The following DYSF variants were observed in gnomAD, a reference collection of about 807,000 sequenced individuals.
DYSF encodes dystrophy-associated fer-1-like 1.
DYSF carries 212 observed loss-of-function variants against 274.9 expected under a neutral mutation model. That is an observed-to-expected ratio of 0.77 (90% confidence interval 0.69 to 0.86). The LOEUF is 0.86. Among genes scored for constraint, DYSF ranks in the 40% least tolerant of loss-of-function variants. The pLI, the probability that DYSF is intolerant of heterozygous loss-of-function variation, is 0.00. For synonymous variants in DYSF, 1,091 were observed against 1,078.7 expected (o/e 1.01, Z -0.22); for missense variants, 2,666 against 2,783.2 (o/e 0.96, Z 0.95).
chr2:71,569,057 G>C (rs900180465), intron 26 of DYSF, among the ~76,000 whole-genome samples: 8 of 151,816 alleles, frequency 5.3e-5, no homozygotes. Context: ...TTGTATTTTA[G>C]TAGAGACGAG....
intron 39 of DYSF, 34 bp from the exon 40 acceptor site, chr2:71,613,300 C>A: frequency 1.3e-6 from 2 of 1,592,848 alleles, no homozygotes; most frequent in East Asian, 2.3e-5. Flanking sequence ...TTGAGAGAGC[C>A]CCTCTCAGGC....
At chr2:71,528,274 T>C in intron 13 of DYSF, 24 bp from the exon 14 acceptor site, 1 of 1,600,646 alleles carries the variant, frequency 6.2e-7, no homozygotes, top group South Asian at 1.1e-5. Flanking sequence ...AGGCAGGCAG[T>C]GACTGGTGTG....
At chr2:71,625,037 C>T (rs1388545732) in intron 41 of DYSF, among the ~76,000 whole-genome samples, 1 of 151,836 alleles carries the variant, frequency 6.6e-6, no homozygotes, top group Admixed American at 6.6e-5. Flanking sequence ...TGTTATTTTC[C>T]TTTTTTATTA....
chr2:71,560,317 C>A (rs1573989235), intron 22 of DYSF, among the ~76,000 whole-genome samples: 1 of 150,786 alleles, frequency 6.6e-6, no homozygotes, highest in Middle Eastern at 3.5e-3. Flanking sequence ...CCGACCCGGG[C>A]TGGGCGCATA....
chr2:71,478,202 A>G (rs931440206), intron 1 of DYSF, among the ~76,000 whole-genome samples: 5 of 151,218 alleles, frequency 3.3e-5, no homozygotes, highest in African/African-American at 1.2e-4. Context: ...GCTCTTTGGC[A>G]TCCTCAATAA....
At chr2:71,667,254 G>C in intron 47 of DYSF, 122 bp from the exon 48 acceptor site, 1 of 1,416,682 alleles carries the variant, frequency 7.1e-7, no homozygotes, top group Non-Finnish European at 9.9e-7. Flanking sequence ...CTGGGGGTGA[G>C]GCTGCGGGGG....
intron 12 of DYSF, among the ~76,000 whole-genome samples, chr2:71,521,321 G>C (rs2087248222): frequency 6.6e-6 from 1 of 152,248 alleles, no homozygotes; most frequent in Non-Finnish European, 1.5e-5. Flanking sequence ...AAAATGTTGA[G>C]AGCAGGAGAG....
At position 71,555,954 on chromosome 2, in the gene DYSF, C is replaced by G. The variant is rs780520305; in HGVS notation, c.2110-11C>G. 1.9e-5 allele frequency: 30 copies of G among 1,554,326 alleles called. 1 individual carries two copies. The South Asian group carries it at 3.2e-4, about 17-fold the overall frequency. ...GGTGACACACCTGACCCTTGCCTGC[C>G]CATTCCACAGGAAGCTGGCCTGGAG... On this transcript the variant is annotated splice_polypyrimidine_tract_variant and intron_variant, in intron 21 of 55. Coordinates refer to ENST00000410020, the MANE Select transcript of DYSF (RefSeq NM_001130987.2).
chr2:71,669,263 C>G, intron 50 of DYSF, 56 bp downstream of exon 50: 1 of 1,428,936 alleles, frequency 7.0e-7, no homozygotes, highest in Non-Finnish European at 9.7e-7. Context: ...CGTGCTCCCT[C>G]TGGGTTGTGC....
chr2:71,504,103 C>A (rs1173506711), intron 4 of DYSF, among the ~76,000 whole-genome samples: 1 of 152,122 alleles, frequency 6.6e-6, no homozygotes, highest in African/African-American at 2.4e-5. Context: ...CTGGGTGAGT[C>A]AGGAAGTAGC....
Position 71,639,537 on chromosome 2 carries a change from A to G in DYSF, c.4528-4428A>G, listed in dbSNP as rs547707158. ...TTATAAATCTCATCAGTTGTGAGTA[A>G]CTTTTCATGTCAGTAAATATATTTT... On this transcript the variant is annotated intron_variant, in intron 41 of 55. Transcript: ENST00000410020. Among the ~76,000 whole-genome samples, 22 of 152,284 alleles carry G rather than the reference A, an allele frequency of 1.4e-4. No individual in the cohort carries two copies. The South Asian group carries it at 4.4e-3, about 30-fold the overall frequency.
chr2:71,535,300 T>C lies in DYSF; in HGVS notation c.1482T>C (p.Arg494=). 1 of 1,614,178 alleles carries C rather than the reference T, an allele frequency of 6.2e-7. No individual in the cohort carries two copies. Among genetic ancestry groups the C allele is most frequent in the South Asian group, 1.1e-5 (1 of 91,088 alleles). ...CCATGTGCGAAAAAATGAGGATTCG[T>C]ATCATAGACTGGTGAGTTCTGAGTC... ...FPSMCEKMRI[R]IIDWDRLTHN... is the part of the protein sequence containing the mutation. Residue 494 remains arginine (R), a synonymous_variant, in exon 16 of 56, where the codon CGT becomes CGC. Coordinates refer to ENST00000410020, the MANE Select transcript of DYSF (RefSeq NM_001130987.2).
intron 16 of DYSF, among the ~76,000 whole-genome samples, chr2:71,535,701 C>T (rs1468894800): frequency 1.3e-5 from 2 of 152,116 alleles, no homozygotes; most frequent in East Asian, 3.9e-4. Context: ...GGAGGATGGG[C>T]TGCGGTGCTG....
intron 17 of DYSF, among the ~76,000 whole-genome samples, chr2:71,546,908 G>A (rs1450499971): frequency 2.6e-5 from 4 of 152,210 alleles, no homozygotes; most frequent in Non-Finnish European, 5.9e-5. Context: ...TGCATGTTCC[G>A]GGGACTGTGT....
At chr2:71,591,044 G>A (rs1230915422) in intron 32 of DYSF, among the ~76,000 whole-genome samples, 1 of 152,190 alleles carries the variant, frequency 6.6e-6, no homozygotes, top group Non-Finnish European at 1.5e-5. Flanking sequence ...ACTCAGCACA[G>A]CAGACAAGTC....
chr2:71,456,888 A>T (rs995247621), intron 1 of DYSF, among the ~76,000 whole-genome samples: 2 of 151,996 alleles, frequency 1.3e-5, no homozygotes, highest in South Asian at 2.1e-4. Context: ...GCACCAGGGC[A>T]CTCGGACCTG....
chr2:71,493,690 C>A lies in DYSF; in HGVS notation c.240-9524C>A, dbSNP rs544351636. 4.3e-4 allele frequency among the ~76,000 whole-genome samples: 65 copies of A among 151,636 alleles called. 2 individuals are homozygous for A. Among genetic ancestry groups the A allele is most frequent in the Admixed American group, 3.3e-3 (51 of 15,224 alleles). On this transcript the variant is annotated intron_variant, in intron 3 of 55. Transcript: ENST00000410020. ...AACATGGTGAAACCCCGTCACTACTCAAAATACAAAAATTAGCCAGGCATG... is the reference window on the plus strand; with the variant it reads ...AACATGGTGAAACCCCGTCACTACTAAAAATACAAAAATTAGCCAGGCATG...
chr2:71,522,412 A>G (rs1014037131), intron 12 of DYSF, among the ~76,000 whole-genome samples: 4 of 152,140 alleles, frequency 2.6e-5, no homozygotes, highest in Non-Finnish European at 4.4e-5. Context: ...AGACTGCACC[A>G]CTGCTCCATA....
At chr2:71,617,926 T>C (rs1267918037) in intron 40 of DYSF, among the ~76,000 whole-genome samples, 2 of 72,182 alleles carry the variant, frequency 2.8e-5, no homozygotes, top group Admixed American at 1.8e-4. Flanking sequence ...GTGTGTGTGG[T>C]AGAGGTGTGT....
Sources: gnomAD v4.1 joint callset for allele counts (sites outside exome capture counted in the v4.1 genomes callset) on GRCh38, gnomAD v4.1.1 for gene constraint, MANE v1.5 for transcripts, NCBI Gene and HGNC (gene_info 2026-07-23, HGNC 2026-07-21) for gene names.